Variants in NCAM1 observed in about 807,000 individuals in gnomAD.
NCAM1 encodes the protein antigen recognized by monoclonal antibody 5.1H11.
Under a neutral mutation model 109.8 loss-of-function variants are expected in NCAM1, and 14 were observed. The observed-to-expected ratio is 0.13, with a 90% CI of 0.08 to 0.20. NCAM1 has a LOEUF of 0.20. Among genes scored for constraint, NCAM1 ranks in the 10% least tolerant of loss-of-function variants. The pLI, the probability that NCAM1 is intolerant of heterozygous loss-of-function variation, is 1.00. For missense variants in NCAM1, 774 were observed against 1,109.9 expected (o/e 0.70, Z 4.30); for synonymous variants, 418 against 442.9 (o/e 0.94, Z 0.70).
At chr11:113,134,445 A>G (rs1446647889) in intron 1 of NCAM1, among the ~76,000 whole-genome samples, 3 of 152,174 alleles carry the variant, frequency 2.0e-5, no homozygotes, top group African/African-American at 7.2e-5. Flanking sequence ...GAACATGTGT[A>G]CAACTTTCCC....
At chr11:113,146,960 AAGGGAG>A (rs1942040722) in intron 1 of NCAM1, among the ~76,000 whole-genome samples, 1 of 152,126 alleles carries the variant, frequency 6.6e-6, no homozygotes, top group Non-Finnish European at 1.5e-5. Context: ...CTGGCCTCTA[AAGGGAG>A]CTGTTCAGGA....
At chr11:113,225,935 C>T (rs2137151445) in intron 9 of NCAM1, among the ~76,000 whole-genome samples, 1 of 152,282 alleles carries the variant, frequency 6.6e-6, no homozygotes, top group South Asian at 2.1e-4. Flanking sequence ...GAAGGAAGCA[C>T]TAAACATGGA....
chr11:113,178,509 G>A (rs981906485), intron 1 of NCAM1, among the ~76,000 whole-genome samples: 6 of 152,162 alleles, frequency 3.9e-5, no homozygotes, highest in African/African-American at 9.7e-5. Flanking sequence ...GGCTGGTCTC[G>A]CCTCATATCC....
chr11:113,088,888 T>C (rs1939212508), intron 1 of NCAM1, among the ~76,000 whole-genome samples: 8 of 152,248 alleles, frequency 5.3e-5, no homozygotes, highest in Admixed American at 5.2e-4. Context: ...AAGGATATTA[T>C]TTATTTTTTG....
chr11:113,216,538 A>G (rs1944539001), intron 8 of NCAM1, among the ~76,000 whole-genome samples: 1 of 152,178 alleles, frequency 6.6e-6, no homozygotes, highest in Admixed American at 6.5e-5. Flanking sequence ...TCCAGCAGAG[A>G]CTGTCTCAAG....
At chr11:113,076,596 G>C (rs1261499979) in intron 1 of NCAM1, among the ~76,000 whole-genome samples, 1 of 152,112 alleles carries the variant, frequency 6.6e-6, no homozygotes, top group Non-Finnish European at 1.5e-5. Context: ...CTATTTCTCA[G>C]CATCAAACCA....
chr11:113,034,147 A>C (rs1952795447), intron 1 of NCAM1, among the ~76,000 whole-genome samples: 1 of 152,090 alleles, frequency 6.6e-6, no homozygotes, highest in South Asian at 2.1e-4. Flanking sequence ...CCACAGCTTA[A>C]CTCACTCACA....
At position 113,276,831 on chromosome 11, in the gene NCAM1, T is replaced by TG. The variant is rs1378265389; in HGVS notation, c.*1447dup. 8.8e-4 allele frequency: 24 copies of TG among 27,204 alleles called. No homozygotes were observed. The highest frequency in any genetic ancestry group is 2.0e-3 in the African/African-American group (14 of 6,894). The allele number at this position is 27,204 out of a possible 1,614,324, so 1.7% of individuals were successfully genotyped here. A position where few individuals can be genotyped will look rare whatever the true frequency, so the allele number is the denominator to read the frequency against. Reference sequence around the variant, plus strand: ...AAAAATACAGAAACTTTAAGGGGGATGGGAGGGGGGGGAGAAGGGAAAAGC... The same window carrying TG: ...AAAAATACAGAAACTTTAAGGGGGATGGGGAGGGGGGGGAGAAGGGAAAAGC... On this transcript the variant is annotated 3_prime_UTR_variant, in exon 20 of 20. Coordinates refer to ENST00000316851, the MANE Select transcript of NCAM1 (RefSeq NM_181351.5).
intron 1 of NCAM1, among the ~76,000 whole-genome samples, chr11:113,035,157 A>G (rs1262484311): frequency 6.6e-6 from 1 of 152,214 alleles, no homozygotes; most frequent in Non-Finnish European, 1.5e-5. Context: ...TAGTTAGTAG[A>G]AGTCTTACAG....
At chr11:113,255,286 C>T (rs11606942) in intron 15 of NCAM1, among the ~76,000 whole-genome samples, 1 of 152,168 alleles carries the variant, frequency 6.6e-6, no homozygotes, top group South Asian at 2.1e-4. Flanking sequence ...TTTATTTAAT[C>T]ACAACCGGAA....
intron 1 of NCAM1, among the ~76,000 whole-genome samples, chr11:113,193,325 T>C (rs1555110205): frequency 6.6e-6 from 1 of 152,200 alleles, no homozygotes; most frequent in East Asian, 1.9e-4. Context: ...TTTGAGTCAT[T>C]TCTTCTGACT....
chr11:113,133,979 T>G (rs891088616), intron 1 of NCAM1: 1 of 151,872 alleles, frequency 6.6e-6, no homozygotes, highest in Non-Finnish European at 1.5e-5. Flanking sequence ...CTTTGCCTAT[T>G]TTCGGTGGCA....
chr11:113,036,263 G>T (rs145433637), intron 1 of NCAM1, among the ~76,000 whole-genome samples: 1 of 152,126 alleles, frequency 6.6e-6, no homozygotes, highest in East Asian at 1.9e-4. Flanking sequence ...CAAATTTCTG[G>T]AGTCCTTATT....
At chr11:113,222,743 A>G (rs1236802792) in intron 9 of NCAM1, among the ~76,000 whole-genome samples, 1 of 152,196 alleles carries the variant, frequency 6.6e-6, no homozygotes, top group African/African-American at 2.4e-5. Context: ...ATCAGGGAGC[A>G]TTAAGGAGAT....
chr11:113,090,977 G>A (rs1439552574), intron 1 of NCAM1, among the ~76,000 whole-genome samples: 1 of 152,154 alleles, frequency 6.6e-6, no homozygotes, highest in Non-Finnish European at 1.5e-5. Context: ...TAATAAATGA[G>A]CAAATGCTAT....
intron 1 of NCAM1, among the ~76,000 whole-genome samples, chr11:113,151,876 G>A (rs1272483191): frequency 6.6e-6 from 1 of 152,192 alleles, no homozygotes; most frequent in Non-Finnish European, 1.5e-5. Context: ...GCTGACTTGG[G>A]AAGGATGGAA....
At chr11:113,084,398 C>T (rs1175314337) in intron 1 of NCAM1, among the ~76,000 whole-genome samples, 10 of 152,190 alleles carry the variant, frequency 6.6e-5, no homozygotes, top group Non-Finnish European at 1.0e-4. Flanking sequence ...GGTTAAATGA[C>T]TTGTTCAATG....
intron 1 of NCAM1, among the ~76,000 whole-genome samples, chr11:113,061,114 A>G (rs1247389054): frequency 6.6e-6 from 1 of 152,124 alleles, no homozygotes; most frequent in African/African-American, 2.4e-5. Flanking sequence ...CTCAGCTTCT[A>G]TGAGTTTGCC....
chr11:112,997,724 T>A (rs1331230361), intron 1 of NCAM1, among the ~76,000 whole-genome samples: 1 of 152,214 alleles, frequency 6.6e-6, no homozygotes, highest in Non-Finnish European at 1.5e-5. Context: ...TTAGGGCTGC[T>A]GCTTCCTGGA....
Sources: allele counts gnomAD v4.1 joint callset (sites outside exome capture counted in the v4.1 genomes callset), GRCh38; gene constraint gnomAD v4.1.1; transcripts MANE v1.5; gene names NCBI Gene and HGNC (gene_info 2026-07-23, HGNC 2026-07-21).